The following ATP11C variants were observed in gnomAD, a reference collection of about 807,000 sequenced individuals.
ATP11C encodes ATPase phospholipid transporting 11C (ATP11C blood group), also known as phospholipid-transporting ATPase IG.
ATP11C carries 36 observed loss-of-function variants against 97.4 expected under a neutral mutation model. That is an observed-to-expected ratio of 0.37 (90% CI 0.28 to 0.49). The LOEUF is 0.49. Among genes scored for constraint, ATP11C ranks in the 20% least tolerant of loss-of-function variants. The pLI is 0.98. For missense variants in ATP11C, 730 were observed against 824.6 expected (o/e 0.89, Z 1.40); for synonymous variants, 275 against 290.9 (o/e 0.95, Z 0.56).
chrX:139,820,187 G>A (rs1434358170), intron 2 of ATP11C, among the ~76,000 whole-genome samples: 1 of 94,051 alleles, frequency 1.1e-5, no homozygotes, highest in Non-Finnish European at 2.0e-5. Context: ...ATGAGACTCC[G>A]TCGCCAAAAA....
intron 8 of ATP11C, among the ~76,000 whole-genome samples, chrX:139,799,559 T>C (rs764132014): frequency 1.8e-5 from 2 of 108,326 alleles, no homozygotes; most frequent in East Asian, 5.8e-4. Flanking sequence ...GCATTACTTC[T>C]AACAGCCCCC....
chrX:139,895,810 C>T (rs897648210), intron 1 of ATP11C, among the ~76,000 whole-genome samples: 2 of 111,244 alleles, frequency 1.8e-5, no homozygotes, highest in Non-Finnish European at 3.8e-5. Flanking sequence ...TCCAAAACTA[C>T]TAATAATATA....
chrX:139,863,100 C>T lies in ATP11C; in HGVS notation c.28-36277G>A, dbSNP rs776096841. Among the ~76,000 whole-genome samples the T allele has an allele frequency of 4.5e-5, 5 of 111,466 alleles. No individual in the cohort carries two copies. In the South Asian group the frequency reaches 1.5e-3, roughly 34 times the overall value. On this transcript the variant is annotated intron_variant, in intron 1 of 29. Coordinates refer to ENST00000682941, the MANE Select transcript of ATP11C (RefSeq NM_001353812.2). ...AAAGTTGGGTCTGCCAAAATTATAC[C>T]ATGTGCTACATAATGACTTGTTCAG...
intron 22 of ATP11C, among the ~76,000 whole-genome samples, chrX:139,758,608 G>A (rs1376087372): frequency 8.9e-6 from 1 of 111,837 alleles, no homozygotes; most frequent in Admixed American, 9.5e-5. Context: ...GAATTCATAA[G>A]GTAGTAAAAG....
In ATP11C at chrX:139,764,551, G is replaced by A. The variant is rs1053350237; in HGVS notation, c.2392-1133C>T. The stretch of plus-strand genomic sequence containing the variant: ...CCACAAAACCCCTTGGAATCTAGCG[G>A]CTTAAAAAAAAATAATTTAGTAGCT... On this transcript the variant is annotated intron_variant, in intron 20 of 29. Coordinates refer to ENST00000682941, the MANE Select transcript of ATP11C (RefSeq NM_001353812.2). Among the ~76,000 whole-genome samples the A allele has an allele frequency of 4.5e-5, 5 of 112,168 alleles. No homozygotes were observed. In the East Asian group the frequency reaches 1.4e-3, roughly 31 times the overall value.
intron 1 of ATP11C, among the ~76,000 whole-genome samples, chrX:139,928,406 G>A (rs2085385576): frequency 9.1e-6 from 1 of 109,837 alleles, no homozygotes; most frequent in Non-Finnish European, 1.9e-5. Flanking sequence ...AGGATTATTA[G>A]TAAAGTGAAA....
At chrX:139,772,040 C>T (rs1450082121) in intron 19 of ATP11C, among the ~76,000 whole-genome samples, 2 of 111,989 alleles carry the variant, frequency 1.8e-5, no homozygotes, top group South Asian at 3.8e-4. Flanking sequence ...ATCACAGGCC[C>T]GGAGGCCCAG....
chrX:139,815,832 G>A lies in ATP11C; in HGVS notation c.319-847C>T, dbSNP rs190020181. Among the ~76,000 whole-genome samples the A allele has an allele frequency of 4.6e-5, 5 of 109,768 alleles. No homozygotes were observed. The East Asian group carries it at 1.4e-3, about 31-fold the overall frequency. On this transcript the variant is annotated intron_variant, in intron 4 of 29. Coordinates refer to ENST00000682941, the MANE Select transcript of ATP11C (RefSeq NM_001353812.2). ...CAGGTACTATATCCATTCTTCTTCT[G>A]TCCTCTTTATGACAATGCTAAGCTA...
Position 139,816,040 on chromosome X carries a change from A to G in ATP11C, c.318+823T>C, listed in dbSNP as rs1424507862. On this transcript the variant is annotated intron_variant, in intron 4 of 29. Transcript: ENST00000682941. ...TCAGTCTAAGGAAAAGAACATTCCA[A>G]AAGTCTTTATTTTGCAACTGAACAC... is the stretch of plus-strand genomic sequence containing the variant. Among the ~76,000 whole-genome samples the G allele has an allele frequency of 2.7e-5, 3 of 111,909 alleles. No individual in the cohort carries two copies. In the South Asian group the frequency reaches 1.1e-3, roughly 42 times the overall value.
rs375706700 is a variant in ATP11C, at chrX:139,924,882, A to C, written c.27+7134T>G. Reference sequence around the variant, plus strand: ...CCCAATGAGCCTTTTCCCGTTACTGACTTTGCTCTGTATCCTTTTGCTATA... The same window carrying C: ...CCCAATGAGCCTTTTCCCGTTACTGCCTTTGCTCTGTATCCTTTTGCTATA... On this transcript the variant is annotated intron_variant, in intron 1 of 29. Coordinates refer to ENST00000682941, the MANE Select transcript of ATP11C (RefSeq NM_001353812.2). Among the ~76,000 whole-genome samples, 11 of 111,643 alleles carry C rather than the reference A, an allele frequency of 9.9e-5. No homozygotes were observed. The East Asian group carries it at 2.3e-3, about 23-fold the overall frequency.
chrX:139,775,687 C>G (rs2082333831), intron 18 of ATP11C, among the ~76,000 whole-genome samples: 1 of 112,770 alleles, frequency 8.9e-6, no homozygotes, highest in Non-Finnish European at 1.9e-5. Flanking sequence ...CATCAAACTG[C>G]TGGGGAACCC....
At chrX:139,737,195 A>T (rs759277690) in intron 28 of ATP11C, among the ~76,000 whole-genome samples, 32 of 111,505 alleles carry the variant, frequency 2.9e-4, no homozygotes, top group Non-Finnish European at 5.3e-4. Context: ...AAATCTGCCA[A>T]AAGTTTTATT....
rs1003028134 is a variant in ATP11C, at chrX:139,838,197, G to A, written c.28-11374C>T. Among the ~76,000 whole-genome samples the A allele has an allele frequency of 2.7e-5, 3 of 111,968 alleles. No homozygotes were observed. In the Admixed American group the frequency reaches 2.8e-4, roughly 11 times the overall value. ...AAAAACTGGGGTTCTCCTAATAGTTGCAGGTCTATCTCAGAAAGCAATGTA... is the reference window on the plus strand; with the variant it reads ...AAAAACTGGGGTTCTCCTAATAGTTACAGGTCTATCTCAGAAAGCAATGTA... On this transcript the variant is annotated intron_variant, in intron 1 of 29. Transcript: ENST00000682941.
intron 1 of ATP11C, among the ~76,000 whole-genome samples, chrX:139,908,112 G>A (rs1338495014): frequency 9.0e-6 from 1 of 111,301 alleles, no homozygotes; most frequent in African/African-American, 3.3e-5. Context: ...ATGCTCCCCA[G>A]AAGTTCCTAT....
At chrX:139,776,771 A>G (rs1342401973) in intron 18 of ATP11C, among the ~76,000 whole-genome samples, 2 of 111,972 alleles carry the variant, frequency 1.8e-5, no homozygotes, top group African/African-American at 6.5e-5. Context: ...AGAAGGGCTT[A>G]GTGCTAGTAC....
chrX:139,807,200 G>A (rs990296071), intron 5 of ATP11C, among the ~76,000 whole-genome samples: 9 of 111,210 alleles, frequency 8.1e-5, no homozygotes, highest in Admixed American at 3.8e-4. Flanking sequence ...GCAAGGGAAC[G>A]TGGGGCGGGG....
At chrX:139,775,120 C>T (rs773902102) in intron 18 of ATP11C, among the ~76,000 whole-genome samples, 167 bp from the exon 19 acceptor site, 4 of 111,321 alleles carry the variant, frequency 3.6e-5, no homozygotes, top group Non-Finnish European at 5.7e-5. Flanking sequence ...AGTGTTGTCT[C>T]GGGCATAATT....
rs142889521 is a variant in ATP11C at position 139,802,878 on chromosome X, G to A, written c.556-539C>T. Among the ~76,000 whole-genome samples, 186 of 111,737 alleles carry A rather than the reference G, an allele frequency of 1.7e-3. 1 individual carries two copies. The highest frequency in any genetic ancestry group is 3.9e-3 in the Admixed American group (41 of 10,561). ...TCAATATGGATACATTTTGTACAAG[G>A]GGCAGGGAGATGACGTGTCTTGCAT... On this transcript the variant is annotated intron_variant, in intron 6 of 29. Coordinates refer to ENST00000682941, the MANE Select transcript of ATP11C (RefSeq NM_001353812.2).
In ATP11C at chrX:139,923,118, A is replaced by G. The variant is rs1049327000; in HGVS notation, c.27+8898T>C. Reference sequence around the variant, plus strand: ...CTTTTTTTTATAACAGCTCAAACTCATTTGGGGTTGGCATGTATGTTCTCT... The same window carrying G: ...CTTTTTTTTATAACAGCTCAAACTCGTTTGGGGTTGGCATGTATGTTCTCT... On this transcript the variant is annotated intron_variant, in intron 1 of 29. Coordinates refer to ENST00000682941, the MANE Select transcript of ATP11C (RefSeq NM_001353812.2). Among the ~76,000 whole-genome samples the G allele has an allele frequency of 3.0e-4, 33 of 111,771 alleles. 3 individuals are homozygous for G. Among genetic ancestry groups the G allele is most frequent in the Admixed American group, 2.7e-3 (28 of 10,494 alleles).
Sources: allele counts gnomAD v4.1 joint callset (sites outside exome capture counted in the v4.1 genomes callset), GRCh38; gene constraint gnomAD v4.1.1; transcripts MANE v1.5; gene names NCBI Gene and HGNC (gene_info 2026-07-23, HGNC 2026-07-21).